Variants in MUC22 observed in about 807,000 individuals in gnomAD.
MUC22 encodes mucin-22.
Under a neutral mutation model 40.3 loss-of-function variants are expected in MUC22, and 24 were observed. The ratio of observed to expected loss-of-function variants is 0.60; its 90% CI spans 0.43 to 0.84. The LOEUF (loss-of-function observed/expected upper bound fraction) is 0.84, where lower values mean the gene tolerates loss of function less well. Ranked by LOEUF, MUC22 falls within the 40% of genes least tolerant of loss-of-function variation. The pLI, the probability that MUC22 is intolerant of heterozygous loss-of-function variation, is 0.00. For missense variants in MUC22, 1,926 were observed against 2,130.7 expected (o/e 0.90, Z 1.89); for synonymous variants, 765 against 844.5 (o/e 0.91, Z 1.63).
chr6:31,014,859 T>A (rs1247768920), intron 1 of MUC22, among the ~76,000 whole-genome samples: 3 of 151,980 alleles, frequency 2.0e-5, no homozygotes. Flanking sequence ...ATACAGTCAG[T>A]CAAAGTGCAG....
intron 1 of MUC22, among the ~76,000 whole-genome samples, chr6:31,022,186 G>T (rs540527986): frequency 6.6e-6 from 1 of 152,198 alleles, no homozygotes; most frequent in Non-Finnish European, 1.5e-5. Flanking sequence ...AACACTCACT[G>T]TGAGGGTCTG....
chr6:31,019,536 G>A (rs1285422045), intron 1 of MUC22, among the ~76,000 whole-genome samples: 1 of 152,204 alleles, frequency 6.6e-6, no homozygotes, highest in Non-Finnish European at 1.5e-5. Context: ...AGGGGAGACA[G>A]CAGTGGCCCA....
At chr6:31,020,735 C>T (rs1007058918) in intron 1 of MUC22, among the ~76,000 whole-genome samples, 1 of 152,136 alleles carries the variant, frequency 6.6e-6, no homozygotes, top group East Asian at 1.9e-4. Context: ...GAGGTGCGAG[C>T]GGGAACCGGG....
chr6:31,031,671 C>G, intron 2 of MUC22, among the ~76,000 whole-genome samples: 1 of 152,116 alleles, frequency 6.6e-6, no homozygotes, highest in East Asian at 1.9e-4. Flanking sequence ...CCCCCTCCCA[C>G]TCTTCCCCCA....
upstream of MUC22, among the ~76,000 whole-genome samples, chr6:31,006,711 T>C (rs1489984144): frequency 1.3e-5 from 2 of 152,186 alleles, no homozygotes; most frequent in African/African-American, 4.8e-5. Flanking sequence ...AGAATATTTA[T>C]GTTACTGGTA....
Position 31,032,692 on chromosome 6 carries a change from C to A in MUC22, c.5055+111C>A. 1 of 1,201,626 alleles carries A rather than the reference C, an allele frequency of 8.3e-7. No individual in the cohort carries two copies. The highest frequency in any genetic ancestry group is 1.1e-6 in the Non-Finnish European group (1 of 880,664). The allele number at this position is 1,201,626 out of a possible 1,614,324, so 74.4% of individuals were successfully genotyped here. A position where few individuals can be genotyped will look rare whatever the true frequency, so the allele number is the denominator to read the frequency against. ...TGAGAAAGGGGAGTAAGTTGGTGCGCTCAGAAGGAAAGAATCACCTAGCCT... is the reference window on the plus strand; with the variant it reads ...TGAGAAAGGGGAGTAAGTTGGTGCGATCAGAAGGAAAGAATCACCTAGCCT... On this transcript the variant is annotated intron_variant, in intron 3 of 3. Transcript: ENST00000561890. This position sits in a 1 kb window ranked among gnomAD's most constrained non-coding sequence, Gnocchi z 4.1.
chr6:31,020,500 A>T (rs931620047), intron 1 of MUC22, among the ~76,000 whole-genome samples: 2 of 135,706 alleles, frequency 1.5e-5, no homozygotes, highest in African/African-American at 2.8e-5. Flanking sequence ...GCTGGAGCGT[A>T]ATGGCACGAT....
chr6:31,026,340 AG>A lies in MUC22; in HGVS notation c.911del (p.Gly304AlafsTer6). On this transcript the variant is annotated frameshift_variant, in exon 2 of 4. Transcript: ENST00000561890. LOFTEE classifies it high-confidence loss of function. Reference sequence around the variant, plus strand: ...CTGAGACCACCACCCCCTCCCCCACAGGCTCTCAGACCACCATAGTCTCTAT... The same window carrying A: ...CTGAGACCACCACCCCCTCCCCCACAGCTCTCAGACCACCATAGTCTCTAT... 6.6e-7 allele frequency: 1 copy of A among 1,508,072 alleles called. No homozygotes were observed. The highest frequency in any genetic ancestry group is 8.9e-7 in the Non-Finnish European group (1 of 1,129,168). The allele number at this position is 1,508,072 out of a possible 1,614,324, so 93.4% of individuals were successfully genotyped here. A position where few individuals can be genotyped will look rare whatever the true frequency, so the allele number is the denominator to read the frequency against.
upstream of MUC22, among the ~76,000 whole-genome samples, chr6:31,007,459 A>G (rs373749362): frequency 3.9e-5 from 6 of 152,326 alleles, no homozygotes; most frequent in East Asian, 7.7e-4. The surrounding 1 kb of genome is among the most constrained non-coding windows in gnomAD (Gnocchi z 4.0). Context: ...ACTATATGCT[A>G]TATGGAAGGT....
intron 1 of MUC22, among the ~76,000 whole-genome samples, chr6:31,014,235 A>T (rs1218185017): frequency 2.0e-5 from 3 of 152,190 alleles, no homozygotes; most frequent in Admixed American, 1.3e-4. Context: ...CATTTTTAAA[A>T]TGTCCATAGT....
rs1264032041 is a variant in MUC22, at chr6:31,032,085, G to T, written c.4670-111G>T. The T allele has an allele frequency of 8.0e-7, 1 of 1,247,512 alleles. No individual in the cohort carries two copies. The highest frequency in any genetic ancestry group is 2.7e-5 in the Admixed American group (1 of 37,016). The allele number at this position is 1,247,512 out of a possible 1,614,324, so 77.3% of individuals were successfully genotyped here. A position where few individuals can be genotyped will look rare whatever the true frequency, so the allele number is the denominator to read the frequency against. ...TCCTCCCCCACCACACCTCTCCTGA[G>T]CCACCTCCACCATAGGTTTGTTAGA... On this transcript the variant is annotated intron_variant, in intron 2 of 3. Transcript: ENST00000561890. The surrounding 1 kb of genome is among the most constrained non-coding windows in gnomAD (Gnocchi z 4.1).
Position 31,025,487 on chromosome 6 carries a change from TG to T in MUC22, c.71-14del, listed in dbSNP as rs112679039. On this transcript the variant is annotated splice_polypyrimidine_tract_variant and intron_variant, in intron 1 of 3. Coordinates refer to ENST00000561890, the Ensembl canonical transcript of MUC22. ...TTTAACCCATTCCCACCACCTTATT[TG>T]TTCTCCACCTCAGGCTCTGAGAATA... The T allele has an allele frequency of 4.3e-3, 6,287 of 1,473,492 alleles. 214 individuals carry two copies. The African/African-American group carries it at 0.074, about 17-fold the overall frequency. The allele number at this position is 1,473,492 out of a possible 1,614,324, so 91.3% of individuals were successfully genotyped here.
At chr6:31,018,532 T>C (rs1470382034) in intron 1 of MUC22, among the ~76,000 whole-genome samples, 1 of 120,726 alleles carries the variant, frequency 8.3e-6, no homozygotes, top group Non-Finnish European at 1.8e-5. Context: ...AACAAAAATA[T>C]CTCCTCTGCT....
At chr6:31,009,396 T>G (rs908070237), upstream of MUC22, among the ~76,000 whole-genome samples, 10 of 152,022 alleles carry the variant, frequency 6.6e-5, no homozygotes, top group Non-Finnish European at 1.3e-4. Context: ...ATGCATACAC[T>G]CACCTACCCG....
At chr6:31,024,459 T>C (rs1632866) in intron 1 of MUC22, among the ~76,000 whole-genome samples, 7 of 148,088 alleles carry the variant, frequency 4.7e-5, no homozygotes, top group African/African-American at 5.0e-5. Context: ...ATTTTTTTTT[T>C]CAAAATAAAA....
intron 1 of MUC22, among the ~76,000 whole-genome samples, chr6:31,019,564 C>T (rs1207845322): frequency 1.3e-5 from 2 of 152,178 alleles, no homozygotes; most frequent in Non-Finnish European, 2.9e-5. Flanking sequence ...ATATAAGAAA[C>T]TGAACTGGGC....
intron 1 of MUC22, among the ~76,000 whole-genome samples, chr6:31,022,449 G>T (rs1252425336): frequency 6.6e-6 from 1 of 150,530 alleles, no homozygotes; most frequent in African/African-American, 2.5e-5. Flanking sequence ...GAATCGACAG[G>T]CAAGACTGAC....
chr6:31,017,949 C>G (rs6910484), intron 1 of MUC22, among the ~76,000 whole-genome samples: 22,113 of 152,246 alleles, frequency 0.15, 1,768 homozygotes, highest in African/African-American at 0.19. Flanking sequence ...AGTTGTAACA[C>G]TCACTGCGAA....
intron 1 of MUC22, among the ~76,000 whole-genome samples, chr6:31,021,126 C>T (rs550011678): frequency 4.6e-5 from 7 of 152,394 alleles, no homozygotes; most frequent in African/African-American, 1.7e-4. Flanking sequence ...GTAGGACTGG[C>T]AGGCAGCTCC....
Sources: allele counts gnomAD v4.1 joint callset (sites outside exome capture counted in the v4.1 genomes callset), GRCh38; gene constraint gnomAD v4.1.1; non-coding constraint Gnocchi (gnomAD v3.1); transcripts MANE v1.5; gene names NCBI Gene and HGNC (gene_info 2026-07-23, HGNC 2026-07-21).